SORCS1: variants seen among roughly 807,000 people sequenced by gnomAD.
The protein encoded by SORCS1 is VPS10 domain-containing receptor SorCS1.
In SORCS1, 60 loss-of-function variants were observed where a neutral mutation model predicts 146.1. That is an observed-to-expected ratio of 0.41 (90% CI 0.33 to 0.51). The LOEUF (loss-of-function observed/expected upper bound fraction) is 0.51, where lower values mean the gene tolerates loss of function less well. Among genes scored for constraint, SORCS1 ranks in the 20% least tolerant of loss-of-function variants. SORCS1 has a pLI of 0.21. For missense variants in SORCS1, 1,352 were observed against 1,487.6 expected (o/e 0.91, Z 1.50); for synonymous variants, 637 against 584.0 (o/e 1.09, Z -1.31).
intron 6 of SORCS1, among the ~76,000 whole-genome samples, chr10:106,728,188 C>T (rs934611749): frequency 2.0e-5 from 3 of 152,150 alleles, no homozygotes; most frequent in Non-Finnish European, 4.4e-5. Flanking sequence ...CGCACCACCA[C>T]ACTCAGCTAA....
intron 1 of SORCS1, among the ~76,000 whole-genome samples, chr10:107,091,605 C>T (rs758908090): frequency 9.9e-5 from 15 of 152,006 alleles, no homozygotes; most frequent in Admixed American, 2.6e-4. Context: ...TTCCAGAGAC[C>T]GAGTTCATTT....
intron 6 of SORCS1, among the ~76,000 whole-genome samples, chr10:106,717,390 A>G (rs953728251): frequency 2.6e-4 from 39 of 152,362 alleles, no homozygotes; most frequent in Admixed American, 1.1e-3. Flanking sequence ...TGAGAATGTC[A>G]AAAGTGAGAT....
upstream of SORCS1, among the ~76,000 whole-genome samples, chr10:107,168,029 A>T (rs888049865): frequency 1.2e-4 from 19 of 152,192 alleles, no homozygotes; most frequent in Non-Finnish European, 1.2e-4. Context: ...ACCATCACAA[A>T]CAGAATAATA....
intron 15 of SORCS1, among the ~76,000 whole-genome samples, chr10:106,671,671 T>C (rs1404848541): frequency 1.3e-5 from 2 of 152,238 alleles, no homozygotes; most frequent in East Asian, 3.8e-4. Context: ...ACTCAGCCTG[T>C]ACCTAGTGTA....
rs139334898 is a variant in SORCS1 at position 106,646,340 on chromosome 10, G to A, written c.2475+6042C>T. Among the ~76,000 whole-genome samples, 240 of 152,214 alleles carry A rather than the reference G, an allele frequency of 1.6e-3. 1 individual carries two copies. The highest frequency in any genetic ancestry group is 5.6e-3 in the African/African-American group (234 of 41,530). On this transcript the variant is annotated intron_variant, in intron 18 of 25. Coordinates refer to ENST00000263054, the MANE Select transcript of SORCS1 (RefSeq NM_052918.5). Reference sequence around the variant, plus strand: ...TTATACTAAATGGGTTTTCTTTGCTGTTTTAAAAAAGTCTTTGCATAACAC... The same window carrying A: ...TTATACTAAATGGGTTTTCTTTGCTATTTTAAAAAAGTCTTTGCATAACAC...
chr10:106,931,556 A>G (rs1953418398), intron 2 of SORCS1, among the ~76,000 whole-genome samples: 1 of 152,194 alleles, frequency 6.6e-6, no homozygotes, highest in Admixed American at 6.5e-5. Flanking sequence ...GCACAAATAC[A>G]GATGTTTGCT....
chr10:106,576,104 A>G lies in SORCS1; in HGVS notation c.*1316T>C, dbSNP rs1370423468. On this transcript the variant is annotated 3_prime_UTR_variant, in exon 26 of 26. Coordinates refer to ENST00000263054, the MANE Select transcript of SORCS1 (RefSeq NM_052918.5). ...ATATCAACTCTTTCGCATACAGTAT[A>G]TGTTTCCAGGTGGGAAAAGGCAGGG... 6.6e-6 allele frequency: 1 copy of G among 152,282 alleles called. No individual in the cohort carries two copies. 9.4% of individuals were successfully genotyped at this position (152,282 alleles called of 1,614,324 possible).
chr10:106,866,982 A>T (rs1304821204), intron 2 of SORCS1, among the ~76,000 whole-genome samples: 1 of 152,158 alleles, frequency 6.6e-6, no homozygotes, highest in Admixed American at 6.5e-5. Flanking sequence ...TACTCCTCCA[A>T]CAAGAGTTCT....
In SORCS1 at chr10:106,676,797, A is replaced by G. The variant is rs543085758; in HGVS notation, c.1832+516T>C. 3.0e-4 allele frequency among the ~76,000 whole-genome samples: 45 copies of G among 152,242 alleles called. No individual in the cohort carries two copies. In the South Asian group the frequency reaches 8.3e-3, roughly 28 times the overall value. On this transcript the variant is annotated intron_variant, in intron 13 of 25. Coordinates refer to ENST00000263054, the MANE Select transcript of SORCS1 (RefSeq NM_052918.5). ...TTGTCTTAAAACTTGAGAAAGTTAC[A>G]TTTGTCTTATCTGAGTTCTTCTCTC...
At chr10:106,717,059 C>A (rs1012669033) in intron 6 of SORCS1, among the ~76,000 whole-genome samples, 1 of 152,122 alleles carries the variant, frequency 6.6e-6, no homozygotes, top group Non-Finnish European at 1.5e-5. Context: ...ATATTGTAGA[C>A]GTTTAATTAT....
At chr10:107,013,342 G>A (rs1042446943) in intron 1 of SORCS1, among the ~76,000 whole-genome samples, 5 of 151,952 alleles carry the variant, frequency 3.3e-5, no homozygotes, top group African/African-American at 9.7e-5. Flanking sequence ...AATAAATGGC[G>A]TGGAAAGGTT....
intron 7 of SORCS1, among the ~76,000 whole-genome samples, chr10:106,709,000 A>G (rs1242057037): frequency 6.6e-6 from 1 of 152,160 alleles, no homozygotes; most frequent in African/African-American, 2.4e-5. Flanking sequence ...TCCTCTGGAC[A>G]CAGCCCAAAG....
At chr10:106,768,941 T>C (rs1008878069) in intron 4 of SORCS1, among the ~76,000 whole-genome samples, 4 of 152,198 alleles carry the variant, frequency 2.6e-5, no homozygotes, top group African/African-American at 9.6e-5. Flanking sequence ...CACTTTACAG[T>C]TGGAGAAACT....
chr10:107,158,809 T>C (rs972913028), intron 1 of SORCS1, among the ~76,000 whole-genome samples: 1 of 152,220 alleles, frequency 6.6e-6, no homozygotes, highest in Non-Finnish European at 1.5e-5. Flanking sequence ...CAATTACTCC[T>C]AAATGGGAGC....
intron 3 of SORCS1, among the ~76,000 whole-genome samples, chr10:106,795,591 C>CT (rs1946517069): frequency 6.6e-6 from 1 of 152,136 alleles, no homozygotes; most frequent in Non-Finnish European, 1.5e-5. Context: ...TATAATGATC[C>CT]TTTCTGTTTC....
chr10:106,583,558 G>C (rs902065189), intron 24 of SORCS1, among the ~76,000 whole-genome samples: 3 of 152,072 alleles, frequency 2.0e-5, no homozygotes, highest in African/African-American at 2.4e-5. Flanking sequence ...CCAGACTGGA[G>C]TACAGTGACA....
At chr10:106,656,129 A>C (rs959998176) in intron 17 of SORCS1, among the ~76,000 whole-genome samples, 1 of 152,208 alleles carries the variant, frequency 6.6e-6, no homozygotes, top group Non-Finnish European at 1.5e-5. Context: ...ATAGGATCTT[A>C]CTACTCCAAC....
chr10:107,165,201 T>G (rs945854021), upstream of SORCS1, among the ~76,000 whole-genome samples: 8 of 152,050 alleles, frequency 5.3e-5, no homozygotes, highest in Non-Finnish European at 1.0e-4. This position sits in a 1 kb window ranked among gnomAD's most constrained non-coding sequence, Gnocchi z 4.0. Context: ...ATCTTGACCT[T>G]ACCCGCAGCA....
chr10:106,882,947 A>G (rs1204101001), intron 2 of SORCS1, among the ~76,000 whole-genome samples: 1 of 152,214 alleles, frequency 6.6e-6, no homozygotes, highest in Non-Finnish European at 1.5e-5. Context: ...ATCAGGTTCC[A>G]TTCTGATCAC....
Sources: allele counts gnomAD v4.1 joint callset (sites outside exome capture counted in the v4.1 genomes callset), GRCh38; gene constraint gnomAD v4.1.1; non-coding constraint Gnocchi (gnomAD v3.1); transcripts MANE v1.5; gene names NCBI Gene and HGNC (gene_info 2026-07-23, HGNC 2026-07-21).